The following ITPRID1 variants were observed in gnomAD, a reference collection of about 807,000 sequenced individuals.
ITPRID1 encodes the protein protein ITPRID1.
A neutral mutation model predicts 95.4 loss-of-function variants in ITPRID1; 96 were observed. The observed-to-expected ratio is 1.01, with a 90% confidence interval of 0.85 to 1.19. ITPRID1 has a LOEUF of 1.19. Among genes scored for constraint, ITPRID1 ranks in the 50% most tolerant of loss-of-function variants. The probability of loss-of-function intolerance (pLI) is 0.00; values close to 1 mark genes in which losing one functional copy is unlikely to be tolerated. For missense variants in ITPRID1, 1,339 were observed against 1,252.9 expected (o/e 1.07, Z -1.04); for synonymous variants, 510 against 453.6 (o/e 1.12, Z -1.58).
rs77093525 is a variant in ITPRID1, at chr7:31,542,171, G to A, written c.-97-7255G>A. Among the ~76,000 whole-genome samples the A allele has an allele frequency of 6.2e-3, 943 of 152,108 alleles. 9 individuals carry two copies. Among genetic ancestry groups the A allele is most frequent in the African/African-American group, 0.022 (902 of 41,500 alleles). On this transcript the variant is annotated intron_variant, in intron 1 of 14. Coordinates refer to ENST00000615280, the MANE Select transcript of ITPRID1 (RefSeq NM_001257967.3). ...CTTTTAGCAACCTTTACTTTTGCTG[G>A]TGAGCTTGCGATTTGAATTATGTAC...
intron 10 of ITPRID1, among the ~76,000 whole-genome samples, chr7:31,626,475 G>A (rs1423651881): frequency 6.6e-6 from 1 of 152,094 alleles, no homozygotes. Flanking sequence ...ATTTCTGTTT[G>A]CATTTTACTA....
chr7:31,594,356 T>C (rs895707872), intron 10 of ITPRID1, among the ~76,000 whole-genome samples: 1 of 152,220 alleles, frequency 6.6e-6, no homozygotes, highest in Non-Finnish European at 1.5e-5. Flanking sequence ...GTATAATATT[T>C]CTACTGGGGG....
rs768474435 is a variant in ITPRID1 at position 31,577,921 on chromosome 7, G to C, written c.657G>C (p.Leu219=). 6.2e-7 allele frequency: 1 copy of C among 1,613,632 alleles called. No individual in the cohort carries two copies. The highest frequency in any genetic ancestry group is 1.1e-5 in the South Asian group (1 of 91,024). ...TGACCAATGCCTTCTCATCTCTGCTGAGTGATGTCAGCATCCTGCCAAACA... is the reference window on the plus strand; with the variant it reads ...TGACCAATGCCTTCTCATCTCTGCTCAGTGATGTCAGCATCCTGCCAAACA... ...DHVTNAFSSL[L]SDVSILPNRA... is the part of the protein sequence containing the mutation. The change falls in exon 9 of 15, where the codon CTG becomes CTC. Residue 219 remains leucine, a synonymous_variant. Coordinates refer to ENST00000615280, the MANE Select transcript of ITPRID1 (RefSeq NM_001257967.3).
intron 10 of ITPRID1, among the ~76,000 whole-genome samples, chr7:31,616,227 C>T (rs554842882): frequency 5.9e-5 from 9 of 152,184 alleles, no homozygotes; most frequent in Admixed American, 1.3e-4. Flanking sequence ...GGTTTTTAAT[C>T]GTGCCTCTTT....
intron 10 of ITPRID1, among the ~76,000 whole-genome samples, chr7:31,585,933 C>T (rs938993881): frequency 1.3e-5 from 2 of 149,514 alleles, no homozygotes; most frequent in Non-Finnish European, 3.0e-5. Flanking sequence ...TGGTGCGCTG[C>T]ACCCACTAAC....
In ITPRID1 at chr7:31,582,563, C is replaced by G. The variant is rs376830250; in HGVS notation, c.1171-571C>G. On this transcript the variant is annotated intron_variant, in intron 9 of 14. Transcript: ENST00000615280. ...ATCAAGCCCAACCCTGTTTTTTTACCTTCTTCTTCTATGTATCAGTTTCTA... is the reference window on the plus strand; with the variant it reads ...ATCAAGCCCAACCCTGTTTTTTTACGTTCTTCTTCTATGTATCAGTTTCTA... Among the ~76,000 whole-genome samples the G allele has an allele frequency of 5.6e-4, 85 of 152,026 alleles. 3 individuals are homozygous for G. The South Asian group carries it at 0.017, about 30-fold the overall frequency.
chr7:31,579,402 G>T (rs926382785), intron 9 of ITPRID1, among the ~76,000 whole-genome samples: 1 of 152,142 alleles, frequency 6.6e-6, no homozygotes, highest in East Asian at 1.9e-4. Flanking sequence ...TTACTTCTCC[G>T]TTGAGCCCTC....
intron 9 of ITPRID1, among the ~76,000 whole-genome samples, chr7:31,579,419 G>A (rs1228162540): frequency 1.3e-5 from 2 of 152,160 alleles, no homozygotes; most frequent in Non-Finnish European, 2.9e-5. Flanking sequence ...CCTCTATGTG[G>A]CAGGCACAGA....
At chr7:31,640,558 G>T (rs372577034) in intron 10 of ITPRID1, among the ~76,000 whole-genome samples, 3 of 152,208 alleles carry the variant, frequency 2.0e-5, no homozygotes, top group Admixed American at 6.5e-5. Flanking sequence ...GCGCTAAGCT[G>T]GGTAACTATA....
intron 10 of ITPRID1, among the ~76,000 whole-genome samples, chr7:31,624,509 C>G (rs200974738): frequency 0.11 from 8,124 of 74,986 alleles, 617 homozygotes; most frequent in East Asian, 0.24. Context: ...CTGAGAAAAA[C>G]AAGCAATGGG....
At chr7:31,591,731 G>C (rs80013171) in intron 10 of ITPRID1, among the ~76,000 whole-genome samples, 10,858 of 152,242 alleles carry the variant, frequency 0.071, 554 homozygotes, top group Non-Finnish European at 0.11. Context: ...ATCCCATATG[G>C]AAAGGGTTAA....
intron 10 of ITPRID1, among the ~76,000 whole-genome samples, chr7:31,633,250 G>C (rs1443298922): frequency 6.6e-6 from 1 of 152,184 alleles, no homozygotes; most frequent in Non-Finnish European, 1.5e-5. Flanking sequence ...CTTTGGGAAA[G>C]GAGTTCGACA....
Position 31,653,852 on chromosome 7 carries a change from A to G in ITPRID1, c.*1023A>G, listed in dbSNP as rs551425460. Among the ~76,000 whole-genome samples, 34 of 152,326 alleles carry G rather than the reference A, an allele frequency of 2.2e-4. No homozygotes were observed. The highest frequency in any genetic ancestry group is 7.2e-4 in the African/African-American group (30 of 41,572). ...GGGAATCCGATTTAGATCAATGTTCAGACAGCCCTGGTTGAGGAAGTAACA... is the reference window on the plus strand; with the variant it reads ...GGGAATCCGATTTAGATCAATGTTCGGACAGCCCTGGTTGAGGAAGTAACA... On this transcript the variant is annotated 3_prime_UTR_variant, in exon 15 of 15. Coordinates refer to ENST00000615280, the MANE Select transcript of ITPRID1 (RefSeq NM_001257967.3).
intron 9 of ITPRID1, 106 bp from the exon 10 acceptor site, chr7:31,583,028 C>CA: frequency 1.4e-6 from 1 of 707,950 alleles, no homozygotes. Context: ...TTCAGGAACT[C>CA]ATGTTTATCC....
chr7:31,529,182 C>A (rs974186892), intron 1 of ITPRID1, among the ~76,000 whole-genome samples: 4 of 152,130 alleles, frequency 2.6e-5, no homozygotes, highest in Non-Finnish European at 5.9e-5. Flanking sequence ...ATGTTTTGCT[C>A]CCTCTGAATT....
intron 10 of ITPRID1, among the ~76,000 whole-genome samples, chr7:31,591,633 A>G (rs1294353399): frequency 6.6e-6 from 1 of 152,180 alleles, no homozygotes; most frequent in Non-Finnish European, 1.5e-5. Flanking sequence ...GGTGTTCTTG[A>G]AAGTATGAGC....
chr7:31,557,648 T>C (rs572753348), intron 5 of ITPRID1, among the ~76,000 whole-genome samples: 1 of 152,308 alleles, frequency 6.6e-6, no homozygotes, highest in South Asian at 2.1e-4. Context: ...AGAAAATTAA[T>C]GCATACTGAG....
At chr7:31,583,299 A>T in intron 10 of ITPRID1, 108 bp downstream of exon 10, 1 of 732,266 alleles carries the variant, frequency 1.4e-6, no homozygotes, top group Non-Finnish European at 2.2e-6. Flanking sequence ...TCTAGAAGGT[A>T]CTCTAAATTC....
chr7:31,526,384 G>A (rs950349977), intron 1 of ITPRID1, among the ~76,000 whole-genome samples: 21 of 152,194 alleles, frequency 1.4e-4, no homozygotes, highest in African/African-American at 4.8e-4. Flanking sequence ...GGCCTACGTT[G>A]CGAGTCAGAG....
Sources: allele counts gnomAD v4.1 joint callset (sites outside exome capture counted in the v4.1 genomes callset), GRCh38; gene constraint gnomAD v4.1.1; transcripts MANE v1.5; gene names NCBI Gene and HGNC (gene_info 2026-07-23, HGNC 2026-07-21).